GALNTL6: variants seen among roughly 807,000 people sequenced by gnomAD.
GALNTL6 encodes polypeptide N-acetylgalactosaminyltransferase-like 6.
Under a neutral mutation model 73.7 loss-of-function variants are expected in GALNTL6, and 46 were observed. The observed-to-expected ratio is 0.62, with a 90% CI of 0.49 to 0.80. GALNTL6 has a LOEUF of 0.80. GALNTL6 is among the 30% of genes least tolerant of loss of function. The pLI is 0.00. For synonymous variants in GALNTL6, 259 were observed against 263.7 expected, an observed-to-expected ratio of 0.98 and a Z score of 0.17; for missense variants, 604 against 755.0, an observed-to-expected ratio of 0.80 and a Z score of 2.34.
At chr4:171,907,698 G>A (rs1397981010) in intron 2 of GALNTL6, among the ~76,000 whole-genome samples, 1 of 151,270 alleles carries the variant, frequency 6.6e-6, no homozygotes, top group Non-Finnish European at 1.5e-5. Flanking sequence ...TCAATCCTAA[G>A]CCAAAAGAAC....
chr4:172,491,383 G>C (rs1249823403), intron 5 of GALNTL6, among the ~76,000 whole-genome samples: 1 of 151,732 alleles, frequency 6.6e-6, no homozygotes, highest in East Asian at 1.9e-4. Flanking sequence ...TACTGATGTA[G>C]AAAATTTTAA....
intron 5 of GALNTL6, among the ~76,000 whole-genome samples, chr4:172,650,525 A>G (rs17058705): frequency 0.099 from 15,035 of 152,248 alleles, 875 homozygotes; most frequent in East Asian, 0.21. Context: ...TCTATTTAAC[A>G]GTAATAGGTC....
intron 2 of GALNTL6, among the ~76,000 whole-genome samples, chr4:172,137,636 GAAA>G (rs1733672902): frequency 6.6e-6 from 1 of 151,964 alleles, no homozygotes; most frequent in Admixed American, 6.6e-5. Context: ...AACAAAACAA[GAAA>G]AAAAGCCAAA....
At chr4:172,195,995 C>T (rs1735752379) in intron 2 of GALNTL6, among the ~76,000 whole-genome samples, 1 of 140,718 alleles carries the variant, frequency 7.1e-6, no homozygotes, top group Non-Finnish European at 1.5e-5. Flanking sequence ...ATAAATGAAT[C>T]CAGGAGCTGG....
At chr4:172,020,181 GTT>G (rs1741350147) in intron 2 of GALNTL6, among the ~76,000 whole-genome samples, 7 of 151,960 alleles carry the variant, frequency 4.6e-5, no homozygotes, top group Non-Finnish European at 1.0e-4. Context: ...TAAGATGGAA[GTT>G]TATAGCTCTA....
chr4:172,226,573 G>GTGTGTGTC (rs1560978669), intron 2 of GALNTL6, among the ~76,000 whole-genome samples: 1 of 103,962 alleles, frequency 9.6e-6, no homozygotes, highest in Non-Finnish European at 1.9e-5. Flanking sequence ...GTGTGTGTGT[G>GTGTGTGTC]TGTGTGTCTG....
At chr4:172,621,494 T>G (rs747452698) in intron 5 of GALNTL6, among the ~76,000 whole-genome samples, 1 of 152,226 alleles carries the variant, frequency 6.6e-6, no homozygotes, top group Non-Finnish European at 1.5e-5. Flanking sequence ...TATCAACAAT[T>G]AATCTACTTC....
chr4:172,952,158 A>G lies in GALNTL6; in HGVS notation c.1271A>G (p.Gln424Arg). 1 of 1,614,132 alleles carries G rather than the reference A, an allele frequency of 6.2e-7. No individual in the cohort carries two copies. The highest frequency in any genetic ancestry group is 1.1e-5 in the South Asian group (1 of 91,082). Residue 424 changes from glutamine to arginine, a missense_variant, in exon 10 of 13, where the codon CAG becomes CGG. Physicochemically the swap from Gln to Arg is conservative, Grantham distance 43. This residue lies in a region of GALNTL6 where 261 missense variants were observed against 296.5 expected (regional missense o/e 0.88). Coordinates refer to ENST00000506823, the MANE Select transcript of GALNTL6 (RefSeq NM_001034845.3). ...TCTGCCCAGAAGGAGCTGCGCAAGC[A>G]GCTCAAGTGCAAGGACTTCAAATGG... ...DISAQKELRK[Q>R]LKCKDFKWFM...
intron 7 of GALNTL6, among the ~76,000 whole-genome samples, chr4:172,831,510 A>G (rs1742640064): frequency 6.6e-6 from 1 of 152,226 alleles, no homozygotes; most frequent in African/African-American, 2.4e-5. Context: ...TTGAAAGATC[A>G]GCACAAATAA....
intron 2 of GALNTL6, among the ~76,000 whole-genome samples, chr4:172,132,817 A>C (rs538817240): frequency 1.8e-4 from 28 of 152,276 alleles, no homozygotes; most frequent in South Asian, 1.0e-3. Flanking sequence ...TTATGAATCT[A>C]TCTCTCATAA....
intron 5 of GALNTL6, among the ~76,000 whole-genome samples, chr4:172,594,230 C>A (rs1737762948): frequency 6.6e-6 from 1 of 151,988 alleles, no homozygotes; most frequent in Non-Finnish European, 1.5e-5. Context: ...CCTGAAATCC[C>A]AGCTACTCGG....
At chr4:172,211,578 G>T (rs1486689098) in intron 2 of GALNTL6, among the ~76,000 whole-genome samples, 1 of 152,134 alleles carries the variant, frequency 6.6e-6, no homozygotes, top group East Asian at 1.9e-4. Flanking sequence ...AGAAGCATCA[G>T]AATTGTTAAG....
At chr4:172,545,656 A>T (rs1735720240) in intron 5 of GALNTL6, 1 of 152,232 alleles carries the variant, frequency 6.6e-6, no homozygotes, top group Non-Finnish European at 1.5e-5. Flanking sequence ...TAGTTTAAAC[A>T]CTTGGGAAGC....
At chr4:172,201,579 G>A (rs1417208740) in intron 2 of GALNTL6, among the ~76,000 whole-genome samples, 2 of 151,614 alleles carry the variant, frequency 1.3e-5, no homozygotes, top group East Asian at 3.9e-4. Flanking sequence ...GTCTCTATTG[G>A]TATTGTTGTT....
chr4:172,097,478 C>G (rs779563428), intron 2 of GALNTL6, among the ~76,000 whole-genome samples: 1 of 152,150 alleles, frequency 6.6e-6, no homozygotes, highest in Non-Finnish European at 1.5e-5. Context: ...AAAGGTTGTA[C>G]TTTATTGATA....
At chr4:172,761,310 G>A (rs1399250457) in intron 5 of GALNTL6, among the ~76,000 whole-genome samples, 3 of 152,062 alleles carry the variant, frequency 2.0e-5, no homozygotes, top group Non-Finnish European at 2.9e-5. Context: ...AGCAAACCTA[G>A]GAGGAAATAT....
intron 2 of GALNTL6, among the ~76,000 whole-genome samples, chr4:172,015,366 C>T (rs1053919400): frequency 3.3e-5 from 5 of 151,988 alleles, no homozygotes; most frequent in African/African-American, 4.8e-5. Context: ...AATAGCTACT[C>T]GTGCTTGCTT....
intron 4 of GALNTL6, among the ~76,000 whole-genome samples, chr4:172,344,474 T>A (rs1374905891): frequency 6.6e-6 from 1 of 152,196 alleles, no homozygotes; most frequent in Non-Finnish European, 1.5e-5. Context: ...ATCTGCACCC[T>A]CATTATTTTT....
chr4:172,301,406 C>T (rs183583157), intron 3 of GALNTL6, among the ~76,000 whole-genome samples: 12 of 152,258 alleles, frequency 7.9e-5, no homozygotes, highest in East Asian at 5.8e-4. Context: ...TTCCATTGCT[C>T]GTGAGGAGCT....
Sources: gnomAD v4.1 joint callset for allele counts (sites outside exome capture counted in the v4.1 genomes callset) on GRCh38, gnomAD v4.1.1 for gene constraint, gnomAD v4.1.1 regional missense constraint, MANE v1.5 for transcripts, NCBI Gene and HGNC (gene_info 2026-07-23, HGNC 2026-07-21) for gene names.